PCBP3: variants seen among roughly 807,000 people sequenced by gnomAD.
PCBP3 encodes the protein poly(rC)-binding protein 3.
Under a neutral mutation model 52.7 loss-of-function variants are expected in PCBP3, and 25 were observed. The observed-to-expected ratio is 0.47, with a 90% CI of 0.35 to 0.66. The LOEUF (loss-of-function observed/expected upper bound fraction) is 0.66. PCBP3 is among the 30% of genes least tolerant of loss of function. The probability of loss-of-function intolerance (pLI) is 0.01; values close to 1 mark genes in which losing one functional copy is unlikely to be tolerated. For missense variants in PCBP3, 391 were observed against 490.3 expected (o/e 0.80, Z 1.91); for synonymous variants, 162 against 183.0 (o/e 0.89, Z 0.93).
At chr21:45,753,479 T>C (rs1352019665) in intron 3 of PCBP3, among the ~76,000 whole-genome samples, 1 of 152,126 alleles carries the variant, frequency 6.6e-6, no homozygotes, top group African/African-American at 2.4e-5. Flanking sequence ...ATGTAATGGA[T>C]TTTTGTTTTA....
intron 4 of PCBP3, among the ~76,000 whole-genome samples, chr21:45,787,930 C>G (rs2091271427): frequency 6.6e-6 from 1 of 152,148 alleles, no homozygotes; most frequent in African/African-American, 2.4e-5. Context: ...TCAGGTAATG[C>G]TACCTGCAAG....
chr21:45,685,694 G>C (rs2082108556), intron 2 of PCBP3, among the ~76,000 whole-genome samples: 1 of 152,110 alleles, frequency 6.6e-6, no homozygotes, highest in East Asian at 1.9e-4. Flanking sequence ...TAACTGAGTT[G>C]GTGAAACATA....
chr21:45,802,985 C>T lies in PCBP3; in HGVS notation c.-125-46976C>T, dbSNP rs1483264813. Among the ~76,000 whole-genome samples, 1 of 152,224 alleles carries T rather than the reference C, an allele frequency of 6.6e-6. No individual in the cohort carries two copies. The highest frequency in any genetic ancestry group is 2.4e-5 in the African/African-American group (1 of 41,456). On this transcript the variant is annotated intron_variant, in intron 4 of 17. Coordinates refer to ENST00000681687, the MANE Select transcript of PCBP3 (RefSeq NM_001384156.1). This position sits in a 1 kb window ranked among gnomAD's most constrained non-coding sequence, Gnocchi z 5.1. ...TTTTCTTGTTTTCAATAAAAAATAA[C>T]ATTTCCCGTCTGCATTGTACAGTCA...
chr21:45,771,653 C>T (rs925181094), intron 4 of PCBP3, among the ~76,000 whole-genome samples: 5 of 152,130 alleles, frequency 3.3e-5, no homozygotes, highest in African/African-American at 7.2e-5. Context: ...GAGCTAACCT[C>T]GTATTTGATG....
intron 2 of PCBP3, among the ~76,000 whole-genome samples, chr21:45,688,472 G>T (rs1454764032): frequency 1.3e-5 from 2 of 152,128 alleles, no homozygotes; most frequent in East Asian, 3.8e-4. Context: ...ATACAGCTAA[G>T]GCAGTGGTTA....
At chr21:45,850,434 G>A (rs138499054) in intron 5 of PCBP3, among the ~76,000 whole-genome samples, 12 of 152,236 alleles carry the variant, frequency 7.9e-5, no homozygotes, top group African/African-American at 2.4e-4. Context: ...AGGCTGTGCT[G>A]GGGGCTGAAG....
At chr21:45,691,958 C>T (rs1045233834) in intron 2 of PCBP3, among the ~76,000 whole-genome samples, 5 of 152,154 alleles carry the variant, frequency 3.3e-5, no homozygotes, top group South Asian at 4.1e-4. Context: ...AACTCTCCCA[C>T]GTTCTCCAGG....
At chr21:45,839,350 C>T (rs2093652457) in intron 4 of PCBP3, among the ~76,000 whole-genome samples, 1 of 152,214 alleles carries the variant, frequency 6.6e-6, no homozygotes, top group Admixed American at 6.5e-5. Context: ...ATTATCCTGT[C>T]ACCCTTAACT....
intron 5 of PCBP3, among the ~76,000 whole-genome samples, chr21:45,881,878 A>G (rs1044772188): frequency 6.6e-6 from 1 of 152,190 alleles, no homozygotes; most frequent in Non-Finnish European, 1.5e-5. Context: ...AGTGACACAG[A>G]TGACATGGCT....
intron 4 of PCBP3, among the ~76,000 whole-genome samples, chr21:45,772,106 T>C (rs1569205204): frequency 6.6e-6 from 1 of 152,198 alleles, no homozygotes; most frequent in Non-Finnish European, 1.5e-5. Context: ...CTGAATACAA[T>C]ATAGTTTTGT....
At chr21:45,867,638 A>T (rs1880782201) in intron 5 of PCBP3, among the ~76,000 whole-genome samples, 1 of 152,244 alleles carries the variant, frequency 6.6e-6, no homozygotes, top group Non-Finnish European at 1.5e-5. Context: ...TCAGAGAGAG[A>T]GAAGGGAAAT....
intron 2 of PCBP3, among the ~76,000 whole-genome samples, chr21:45,676,914 G>A (rs1476130972): frequency 6.6e-6 from 1 of 152,074 alleles, no homozygotes; most frequent in Non-Finnish European, 1.5e-5. Context: ...TGGGATTACA[G>A]ATGCATGCCA....
chr21:45,815,111 GTGAGTGA>G (rs1569260328), intron 4 of PCBP3, among the ~76,000 whole-genome samples: 1 of 20,728 alleles, frequency 4.8e-5, no homozygotes, highest in Non-Finnish European at 9.6e-5. Flanking sequence ...GTGGTGAGTG[GTGAGTGA>G]GTGGTGAGTG....
At chr21:45,873,692 C>T (rs992535630) in intron 5 of PCBP3, among the ~76,000 whole-genome samples, 1 of 152,250 alleles carries the variant, frequency 6.6e-6, no homozygotes, top group Non-Finnish European at 1.5e-5. Context: ...ACTGAAAGGC[C>T]TTCCGCTCTG....
At chr21:45,868,995 G>T (rs1009540004) in intron 5 of PCBP3, among the ~76,000 whole-genome samples, 11 of 152,230 alleles carry the variant, frequency 7.2e-5, no homozygotes, top group African/African-American at 2.7e-4. Context: ...GCCCCAGCTG[G>T]AGGTTTATTT....
chr21:45,912,723 A>C (rs2096422216), intron 11 of PCBP3, among the ~76,000 whole-genome samples: 1 of 152,138 alleles, frequency 6.6e-6, no homozygotes, highest in South Asian at 2.1e-4. Context: ...GTGGGGGTCG[A>C]GGGCCCATAG....
At chr21:45,712,145 A>G (rs2083882817) in intron 2 of PCBP3, among the ~76,000 whole-genome samples, 2 of 152,172 alleles carry the variant, frequency 1.3e-5, no homozygotes. Context: ...TTATCCATTC[A>G]CTTATTGAAA....
rs77325159 is a variant in PCBP3 at position 45,877,165 on chromosome 21, T to C, written c.11-19043T>C. 8.9e-3 allele frequency among the ~76,000 whole-genome samples: 1,352 copies of C among 152,356 alleles called. 17 individuals carry two copies. The highest frequency in any genetic ancestry group is 0.031 in the African/African-American group (1,272 of 41,580). On this transcript the variant is annotated intron_variant, in intron 5 of 17. Transcript: ENST00000681687. Reference sequence around the variant, plus strand: ...TCTGACGGGATGTCATTCACTGTTATTTTTGGCATGAAAATAGATGATGGA... The same window carrying C: ...TCTGACGGGATGTCATTCACTGTTACTTTTGGCATGAAAATAGATGATGGA...
At chr21:45,862,120 T>A (rs909548673) in intron 5 of PCBP3, among the ~76,000 whole-genome samples, 1 of 142,796 alleles carries the variant, frequency 7.0e-6, no homozygotes, top group African/African-American at 2.6e-5. Context: ...GAGAGCGGAG[T>A]CTCATGGCCT....
Sources: gnomAD v4.1 joint callset for allele counts (sites outside exome capture counted in the v4.1 genomes callset) on GRCh38, gnomAD v4.1.1 for gene constraint, Gnocchi (gnomAD v3.1) non-coding constraint, MANE v1.5 for transcripts, NCBI Gene and HGNC (gene_info 2026-07-23, HGNC 2026-07-21) for gene names.